The following AKT1 variants were observed in gnomAD, a reference collection of about 807,000 sequenced individuals.
The protein encoded by AKT1 is RAC-alpha serine/threonine-protein kinase.
In AKT1, 21 loss-of-function variants were observed where a neutral mutation model predicts 63.1. That is an observed-to-expected ratio of 0.33 (90% confidence interval 0.24 to 0.48). AKT1 has a LOEUF of 0.48. AKT1 is among the 20% of genes least tolerant of loss of function. AKT1 has a pLI of 0.99. For missense variants in AKT1, 382 were observed against 666.0 expected (o/e 0.57, Z 4.69); for synonymous variants, 257 against 253.1 (o/e 1.02, Z -0.15).
intron 11 of AKT1, 26 bp from the exon 12 acceptor site, chr14:104,773,118 C>T: frequency 6.2e-7 from 1 of 1,613,132 alleles, no homozygotes; most frequent in Non-Finnish European, 8.5e-7. Context: ...ATGGGCAGGA[C>T]TCGGCATCAA....
At chr14:104,781,972 T>C (rs968134160) in intron 3 of AKT1, among the ~76,000 whole-genome samples, 3 of 152,144 alleles carry the variant, frequency 2.0e-5, no homozygotes, top group African/African-American at 7.2e-5. Context: ...GCAGGCGTGG[T>C]CCTGCCACCC....
chr14:104,771,065 G>A lies in AKT1; in HGVS notation c.1261-218C>T, dbSNP rs1443396503. 5.4e-6 allele frequency: 3 copies of A among 556,888 alleles called. No homozygotes were observed. The Admixed American group carries it at 9.5e-5, about 18-fold the overall frequency. 34.5% of individuals were successfully genotyped at this position (556,888 alleles called of 1,614,324 possible). ...CACGGAGACAACCCTCAACAGCTGA[G>A]ACGCAAAGCTGCCCTCACAGCAGCC... On this transcript the variant is annotated intron_variant, in intron 13 of 14. Transcript: ENST00000649815.
intron 3 of AKT1, among the ~76,000 whole-genome samples, chr14:104,786,079 ACCCTGT>A (rs979610308): frequency 1.3e-4 from 19 of 151,686 alleles, no homozygotes; most frequent in African/African-American, 3.9e-4. Flanking sequence ...ACATCCCAAG[ACCCTGT>A]CCCTGTCCCT....
At chr14:104,790,144 C>T (rs539830258) in intron 3 of AKT1, among the ~76,000 whole-genome samples, 1 of 152,214 alleles carries the variant, frequency 6.6e-6, no homozygotes, top group Non-Finnish European at 1.5e-5. Context: ...CCCAAGTAGC[C>T]GTGGTGGGAC....
At position 104,795,428 on chromosome 14, in the gene AKT1, CCCGGCCCGCGGGGAGGAAAT is replaced by C. The variant is rs1893842336; in HGVS notation, c.-258+36_-258+55del. 1 of 147,494 alleles carries C rather than the reference CCCGGCCCGCGGGGAGGAAAT, an allele frequency of 6.8e-6. No homozygotes were observed. The allele number at this position is 147,494 out of a possible 1,614,324, so 9.1% of individuals were successfully genotyped here. ...GCCCGACCGGCCGCGAACAAAGCGG[CCCGGCCCGCGGGGAGGAAAT>C]CCAGGCCCGGGCGGCCACGGCGGGC... On this transcript the variant is annotated intron_variant, in intron 1 of 14. Transcript: ENST00000649815. The surrounding 1 kb of genome is among the most constrained non-coding windows in gnomAD (Gnocchi z 5.1).
chr14:104,774,548 C>A (rs2494734), intron 8 of AKT1: 3 of 255,874 alleles, frequency 1.2e-5, no homozygotes, highest in African/African-American at 4.5e-5. Flanking sequence ...AGTGGCTGGA[C>A]CCTGGCCCCC....
chr14:104,792,519 G>T, intron 3 of AKT1, 79 bp downstream of exon 3: 1 of 1,546,758 alleles, frequency 6.5e-7, no homozygotes, highest in Non-Finnish European at 8.9e-7. Context: ...CACCCAGCAG[G>T]GCACAGGCAC....
intron 3 of AKT1, among the ~76,000 whole-genome samples, chr14:104,785,326 C>A (rs1024697057): frequency 6.6e-6 from 1 of 152,204 alleles, no homozygotes; most frequent in African/African-American, 2.4e-5. Context: ...CTGTAAACAA[C>A]CAGGCTGGGG....
intron 1 of AKT1, among the ~76,000 whole-genome samples, chr14:104,794,743 G>C: frequency 6.6e-6 from 1 of 152,220 alleles, no homozygotes; most frequent in South Asian, 2.1e-4. Flanking sequence ...AGACCCAGGA[G>C]TGAATGTGGG....
Position 104,780,117 on chromosome 14 carries a change from T to C in AKT1, c.146A>G (p.Glu49Gly), listed in dbSNP as rs1358103245. 6.2e-7 allele frequency: 1 copy of C among 1,613,614 alleles called. No homozygotes were observed. Among genetic ancestry groups the C allele is most frequent in the Admixed American group, 1.7e-5 (1 of 60,008 alleles). ...KERPQDVDQR[E>G]APLNNFSVAQ... ...CACAGAGAAGTTGTTGAGGGGAGCC[T>C]CACGTTGGTCCACATCCTGCGGCCG... Residue 49 changes from glutamate (E) to glycine (G), a missense_variant, in exon 4 of 15, where the codon GAG (glutamate) becomes GGG (glycine). Physicochemically the swap from Glu to Gly is moderately conservative, Grantham distance 98 (BLOSUM62 -2). Coordinates refer to ENST00000649815, the MANE Select transcript of AKT1 (RefSeq NM_001382430.1).
intron 4 of AKT1, chr14:104,777,348 G>A (rs1892783670): frequency 9.0e-6 from 2 of 221,400 alleles, no homozygotes; most frequent in Non-Finnish European, 1.7e-5. Context: ...TACATCTGGG[G>A]CACACACACA....
chr14:104,773,875 G>C, intron 9 of AKT1, 37 bp downstream of exon 9: 1 of 1,570,534 alleles, frequency 6.4e-7, no homozygotes, highest in Non-Finnish European at 8.7e-7. Context: ...GCGGCCCACA[G>C]GCCGCGAAGT....
At chr14:104,781,757 A>C (rs988052215) in intron 3 of AKT1, among the ~76,000 whole-genome samples, 1 of 152,150 alleles carries the variant, frequency 6.6e-6, no homozygotes, top group African/African-American at 2.4e-5. Context: ...GAGTGTGGGA[A>C]GAGGCTGTTG....
chr14:104,769,800 C>T lies in AKT1; in HGVS notation c.*541G>A, dbSNP rs1211020994. The stretch of plus-strand genomic sequence containing the variant: ...GGTCCCATCCCAGGGGCCCAGCCTC[C>T]GATGACGTCCTCAGAGACACGGCCT... On this transcript the variant is annotated 3_prime_UTR_variant, in exon 15 of 15. Coordinates refer to ENST00000649815, the MANE Select transcript of AKT1 (RefSeq NM_001382430.1). 2.6e-5 allele frequency: 10 copies of T among 387,724 alleles called. No homozygotes were observed. Among genetic ancestry groups the T allele is most frequent in the East Asian group, 2.5e-4 (5 of 19,618 alleles). The allele number at this position is 387,724 out of a possible 1,614,324, so 24.0% of individuals were successfully genotyped here.
At position 104,770,404 on chromosome 14, in the gene AKT1, A is replaced by G. The variant is rs139394285; in HGVS notation, c.1380T>C (p.Cys460=). ...TPPDQDDSME[C]VDSERRPHFP... ...AGTGGGGCCTGCGCTCGCTGTCCAC[A>G]CACTCCATGCTGTCATCTGTGGGTG... The change falls in exon 15 of 15, where the codon TGT becomes TGC. Residue 460 remains cysteine, a synonymous_variant. Transcript: ENST00000649815. The G allele has an allele frequency of 8.1e-5, 131 of 1,612,112 alleles. No individual in the cohort carries two copies. The African/African-American group carries it at 1.6e-3, about 19-fold the overall frequency.
At position 104,776,654 on chromosome 14, in the gene AKT1, C is replaced by G. The variant is rs373853807; in HGVS notation, c.287+5G>C. ...TGCCTGGCCTGGCCGCCACAGCCCA[C>G]GTACCGCTCCTCAGGAGTCTCCACA... is the stretch of plus-strand genomic sequence containing the variant. On this transcript the variant is annotated splice_donor_5th_base_variant and intron_variant, in intron 5 of 14. Coordinates refer to ENST00000649815, the MANE Select transcript of AKT1 (RefSeq NM_001382430.1). The G allele has an allele frequency of 6.2e-7, 1 of 1,611,978 alleles. No homozygotes were observed. The highest frequency in any genetic ancestry group is 1.3e-5 in the African/African-American group (1 of 75,038).
rs768750733 is a variant in AKT1, at chr14:104,772,349, C to T, written c.1260+16G>A. The T allele has an allele frequency of 2.1e-5, 34 of 1,613,006 alleles. No homozygotes were observed. The highest frequency in any genetic ancestry group is 3.3e-5 in the South Asian group (3 of 91,042). Reference sequence around the variant, plus strand: ...GGGAGCATGCGTGCGCGTGAATATGCGGGGAGCAGCCGCACCTTCTTCTCG... The same window carrying T: ...GGGAGCATGCGTGCGCGTGAATATGTGGGGAGCAGCCGCACCTTCTTCTCG... On this transcript the variant is annotated intron_variant, in intron 13 of 14. Coordinates refer to ENST00000649815, the MANE Select transcript of AKT1 (RefSeq NM_001382430.1).
chr14:104,792,955 C>T (rs1197075241), intron 2 of AKT1, 172 bp downstream of exon 2: 1 of 540,280 alleles, frequency 1.9e-6, no homozygotes, highest in African/African-American at 1.9e-5. Context: ...AACACAGTTC[C>T]CTGGACCTGG....
At position 104,770,179 on chromosome 14, in the gene AKT1, G is replaced by T; in HGVS notation, c.*162C>A. On this transcript the variant is annotated 3_prime_UTR_variant, in exon 15 of 15. Coordinates refer to ENST00000649815, the MANE Select transcript of AKT1 (RefSeq NM_001382430.1). ...TCTTCCCTACCCCGCTGCGGGGGAG[G>T]GTGCTGCCCACAGCACAAAAACGTC... 1.4e-6 allele frequency: 1 copy of T among 713,378 alleles called. No homozygotes were observed. Among genetic ancestry groups the T allele is most frequent in the Non-Finnish European group, 2.4e-6 (1 of 415,114 alleles). 44.2% of individuals were successfully genotyped at this position (713,378 alleles called of 1,614,324 possible).
Sources: allele counts gnomAD v4.1 joint callset (sites outside exome capture counted in the v4.1 genomes callset), GRCh38; gene constraint gnomAD v4.1.1; non-coding constraint Gnocchi (gnomAD v3.1); transcripts MANE v1.5; gene names NCBI Gene and HGNC (gene_info 2026-07-23, HGNC 2026-07-21).